The following ZNF676 variants were observed in gnomAD, a reference collection of about 807,000 sequenced individuals.
The protein encoded by ZNF676 is zinc finger protein 676.
In ZNF676, 4 loss-of-function variants were observed where a neutral mutation model predicts 6.0. That is an observed-to-expected ratio of 0.67 (90% CI 0.33 to 1.53). The LOEUF is 1.53. Ranked by LOEUF, ZNF676 falls within the 40% of genes most tolerant of loss-of-function variation. The probability of loss-of-function intolerance (pLI) is 0.06; values close to 1 mark genes in which losing one functional copy is unlikely to be tolerated. For synonymous variants in ZNF676, 198 were observed against 223.1 expected, an observed-to-expected ratio of 0.89 and a Z score of 1.00; for missense variants, 644 against 679.7, an observed-to-expected ratio of 0.95 and a Z score of 0.58.
the ZNF676 span, among the ~76,000 whole-genome samples, chr19:22,235,012 GAAAGAAAGAAAGAAA>G: frequency 1.0e-5 from 1 of 97,502 alleles, no homozygotes; most frequent in East Asian, 2.7e-4. Flanking sequence ...AAGAAAGAAA[GAAAGAAAGAAAGAAA>G]GAAAGAAAAG....
At chr19:22,190,615 TAAA>T in intron 2 of ZNF676, among the ~76,000 whole-genome samples, 2 of 108,450 alleles carry the variant, frequency 1.8e-5, no homozygotes, top group Non-Finnish European at 3.9e-5. Context: ...ATTAGACTAA[TAAA>T]ATAGAATGCA....
intron 2 of ZNF676, among the ~76,000 whole-genome samples, chr19:22,188,359 T>C (rs1263839446): frequency 1.3e-5 from 2 of 152,116 alleles, no homozygotes; most frequent in Non-Finnish European, 2.9e-5. Context: ...ATGGAACATA[T>C]CTCAAAATAA....
chr19:22,259,761 T>C, the ZNF676 span: 1 of 152,124 alleles, frequency 6.6e-6, no homozygotes, highest in East Asian at 1.9e-4. Context: ...CCCAACAATA[T>C]GTCACAATGT....
the ZNF676 span, among the ~76,000 whole-genome samples, chr19:22,227,842 G>A: frequency 7.2e-5 from 11 of 152,240 alleles, no homozygotes; most frequent in East Asian, 2.1e-3. Flanking sequence ...CCAATAACAA[G>A]TTTTGAAATT....
intron 1 of ZNF676, among the ~76,000 whole-genome samples, chr19:22,209,782 T>C (rs1478601168): frequency 1.3e-5 from 2 of 152,202 alleles, no homozygotes; most frequent in Admixed American, 6.5e-5. Flanking sequence ...CCAGATAAGA[T>C]TATGAATCCT....
intron 1 of ZNF676, among the ~76,000 whole-genome samples, chr19:22,193,640 A>G (rs925249389): frequency 2.0e-5 from 3 of 152,138 alleles, no homozygotes; most frequent in Non-Finnish European, 4.4e-5. Flanking sequence ...AGCAGGAAAA[A>G]GGAGAGGAGA....
the ZNF676 span, among the ~76,000 whole-genome samples, chr19:22,241,893 T>C: frequency 6.6e-6 from 1 of 151,760 alleles, no homozygotes. Flanking sequence ...GTTCAAGAAC[T>C]CTCCAGTACA....
At chr19:22,254,977 T>C in the ZNF676 span, among the ~76,000 whole-genome samples, 3 of 152,328 alleles carry the variant, frequency 2.0e-5, no homozygotes, top group East Asian at 3.9e-4. Flanking sequence ...TGCAAGATGG[T>C]GTAAGAATGA....
chr19:22,206,092 A>AC (rs2024073929), intron 1 of ZNF676, among the ~76,000 whole-genome samples: 1 of 145,228 alleles, frequency 6.9e-6, no homozygotes, highest in Admixed American at 6.9e-5. Flanking sequence ...CACACACACA[A>AC]AATCAAAGCC....
the ZNF676 span, among the ~76,000 whole-genome samples, chr19:22,227,945 A>G: frequency 6.6e-6 from 1 of 152,346 alleles, no homozygotes; most frequent in East Asian, 1.9e-4. Context: ...AGGAGCTGGT[A>G]CCAATTCTTC....
At chr19:22,226,953 G>C in the ZNF676 span, among the ~76,000 whole-genome samples, 2 of 151,942 alleles carry the variant, frequency 1.3e-5, no homozygotes, top group Non-Finnish European at 2.9e-5. Context: ...TTTACCTTAG[G>C]TTCAAATAAT....
the ZNF676 span, among the ~76,000 whole-genome samples, chr19:22,253,253 G>T: frequency 1.3e-5 from 2 of 150,952 alleles, no homozygotes; most frequent in African/African-American, 2.4e-5. Context: ...AATATTTACT[G>T]CCAGCTGGGT....
chr19:22,248,748 A>G, the ZNF676 span, among the ~76,000 whole-genome samples: 1 of 151,638 alleles, frequency 6.6e-6, no homozygotes, highest in African/African-American at 2.4e-5. Context: ...GTTTGTTTTG[A>G]GATGGAGTTT....
chr19:22,236,848 T>C, the ZNF676 span, among the ~76,000 whole-genome samples: 2 of 152,370 alleles, frequency 1.3e-5, no homozygotes, highest in South Asian at 2.1e-4. Context: ...ACTATTCTGA[T>C]TGCCGTTTAG....
intron 2 of ZNF676, among the ~76,000 whole-genome samples, chr19:22,183,021 G>A (rs1235783001): frequency 6.6e-6 from 1 of 151,938 alleles, no homozygotes; most frequent in African/African-American, 2.4e-5. Flanking sequence ...GACATAATAA[G>A]GAGGACTTTT....
At chr19:22,189,635 A>G (rs2023878746) in intron 2 of ZNF676, among the ~76,000 whole-genome samples, 1 of 152,152 alleles carries the variant, frequency 6.6e-6, no homozygotes, top group Non-Finnish European at 1.5e-5. Flanking sequence ...ACAAAGGGCT[A>G]ATATCCAGGA....
chr19:22,236,365 A>G, the ZNF676 span, among the ~76,000 whole-genome samples: 1 of 152,114 alleles, frequency 6.6e-6, no homozygotes, highest in Admixed American at 6.5e-5. Context: ...CTAAATTTCT[A>G]TTAAGTACAT....
At position 22,180,372 on chromosome 19, in the gene ZNF676, A is replaced by G; in HGVS notation, c.1345T>C (p.Tyr449His). The change falls in exon 3 of 3, where the codon TAC becomes CAC. Residue 449 changes from tyrosine to histidine, a missense_variant. By Grantham distance (83) the Tyr-to-His change is moderately conservative (BLOSUM62 2). Around this residue, in one of 5 missense-constraint regions of ZNF676, gnomAD observed 306 missense variants for 265.4 expected, o/e 1.15. Coordinates refer to ENST00000397121, the MANE Select transcript of ZNF676 (RefSeq NM_001001411.3). Reference sequence around the variant, plus strand: ...GCTTTGCCACATTCTTCACATTTGTAGGGTTTCTCTCCAGCATGAATTCTC... The same window carrying G: ...GCTTTGCCACATTCTTCACATTTGTGGGGTTTCTCTCCAGCATGAATTCTC... ...HKRIHAGEKPYKCEECGKAFT... is the reference protein window; with the variant it reads ...HKRIHAGEKPHKCEECGKAFT... 6.2e-7 allele frequency: 1 copy of G among 1,613,972 alleles called. No homozygotes were observed. The highest frequency in any genetic ancestry group is 1.1e-5 in the South Asian group (1 of 91,078).
chr19:22,187,019 G>A (rs756144595), intron 2 of ZNF676, among the ~76,000 whole-genome samples: 10 of 151,156 alleles, frequency 6.6e-5, no homozygotes, highest in Non-Finnish European at 1.5e-4. Flanking sequence ...AACTCAAGCA[G>A]ACCTAATAGA....
Sources: gnomAD v4.1 joint callset for allele counts (sites outside exome capture counted in the v4.1 genomes callset) on GRCh38, gnomAD v4.1.1 for gene constraint, gnomAD v4.1.1 regional missense constraint, MANE v1.5 for transcripts, NCBI Gene and HGNC (gene_info 2026-07-23, HGNC 2026-07-21) for gene names.